The following DNAH5 variants were observed in gnomAD, a reference collection of about 807,000 sequenced individuals.
DNAH5 encodes dynein axonemal heavy chain 5, also known as axonemal beta dynein heavy chain 5.
DNAH5 carries 372 observed loss-of-function variants against 518.2 expected under a neutral mutation model. That is an observed-to-expected ratio of 0.72 (90% CI 0.66 to 0.78). DNAH5 has a LOEUF of 0.78. DNAH5 is among the 30% of genes least tolerant of loss of function. The probability of loss-of-function intolerance (pLI) is 0.00; values close to 1 mark genes in which losing one functional copy is unlikely to be tolerated. For missense variants in DNAH5, 5,523 were observed against 5,687.0 expected (o/e 0.97, Z 0.93); for synonymous variants, 2,039 against 2,025.9 (o/e 1.01, Z -0.17).
chr5:13,708,308 G>T lies in DNAH5; in HGVS notation c.13153C>A (p.Pro4385Thr). ...EVKERLQKMG[P>T]FQPMNIFLRQ... is the part of the protein sequence containing the mutation. ...AGGAAAATGTTCATAGGCTGGAATGGCCCCATCTTCTGCAGCCTCTCTTTT... is the reference window on the plus strand; with the variant it reads ...AGGAAAATGTTCATAGGCTGGAATGTCCCCATCTTCTGCAGCCTCTCTTTT... The change falls in exon 76 of 79, where the codon CCA (proline) becomes ACA (threonine). Residue 4385 changes from proline to threonine, a missense_variant. This residue lies in a region of DNAH5 where 387 missense variants were observed against 430.0 expected (regional missense o/e 0.90). Coordinates refer to ENST00000265104, the MANE Select transcript of DNAH5 (RefSeq NM_001369.3). 1 of 1,613,998 alleles carries T rather than the reference G, an allele frequency of 6.2e-7. No individual in the cohort carries two copies. The highest frequency in any genetic ancestry group is 1.1e-5 in the South Asian group (1 of 91,068).
intron 59 of DNAH5, 46 bp from the exon 60 acceptor site, chr5:13,762,947 A>T: frequency 6.6e-7 from 1 of 1,517,020 alleles, no homozygotes; most frequent in Non-Finnish European, 9.1e-7. Context: ...TTCTTTCCAT[A>T]AAGTCATACT....
rs116112591 is a variant in DNAH5 at position 13,882,574 on chromosome 5, G to A, written c.3262+154C>T. Reference sequence around the variant, plus strand: ...AACTAAAATGGTGATATTAAAATACGTGGACCTTGATATTTTGTCAACTTC... The same window carrying A: ...AACTAAAATGGTGATATTAAAATACATGGACCTTGATATTTTGTCAACTTC... On this transcript the variant is annotated intron_variant, in intron 21 of 78. Coordinates refer to ENST00000265104, the MANE Select transcript of DNAH5 (RefSeq NM_001369.3). Among the ~76,000 whole-genome samples the A allele has an allele frequency of 7.8e-4, 118 of 152,152 alleles. 1 individual carries two copies. Among genetic ancestry groups the A allele is most frequent in the African/African-American group, 2.7e-3 (113 of 41,520 alleles).
chr5:13,986,774 A>C (rs1783080873), intron 1 of DNAH5, among the ~76,000 whole-genome samples: 3 of 152,184 alleles, frequency 2.0e-5, no homozygotes, highest in Non-Finnish European at 2.9e-5. Context: ...ATCCTAACTC[A>C]GATATCACTA....
chr5:13,838,983 T>TAA (rs35593776), intron 35 of DNAH5, among the ~76,000 whole-genome samples: 217 of 142,406 alleles, frequency 1.5e-3, no homozygotes, highest in Non-Finnish European at 1.9e-3. Flanking sequence ...CTTTCCTGCT[T>TAA]AAAAAAAAAA....
At chr5:13,792,238 G>A in intron 49 of DNAH5, 21 bp from the exon 50 acceptor site, 2 of 1,590,690 alleles carry the variant, frequency 1.3e-6, no homozygotes, top group Non-Finnish European at 1.7e-6. Flanking sequence ...GGAAATTACA[G>A]CATTTTGATT....
chr5:13,970,821 G>C (rs1781812930), intron 1 of DNAH5, among the ~76,000 whole-genome samples: 2 of 151,930 alleles, frequency 1.3e-5, no homozygotes, highest in Non-Finnish European at 2.9e-5. Flanking sequence ...CTTTTATTTG[G>C]ATGTCTAGCT....
chr5:13,791,865 T>C (rs765200910), intron 50 of DNAH5, 129 bp downstream of exon 50: 30 of 740,178 alleles, frequency 4.1e-5, no homozygotes, highest in Non-Finnish European at 6.5e-5. Context: ...TTAAAAGCAG[T>C]AAAGAATACC....
chr5:13,788,593 A>G, intron 51 of DNAH5, 123 bp downstream of exon 51: 1 of 807,144 alleles, frequency 1.2e-6, no homozygotes, highest in Non-Finnish European at 2.1e-6. Flanking sequence ...ACTGTGTCTC[A>G]GGCTTGTATC....
chr5:13,976,088 T>C (rs1052106532), intron 1 of DNAH5, among the ~76,000 whole-genome samples: 4 of 152,232 alleles, frequency 2.6e-5, no homozygotes, highest in Non-Finnish European at 5.9e-5. Flanking sequence ...TGTGAGACAT[T>C]GAAGTCCAAG....
Position 13,853,081 on chromosome 5 carries a change from C to G in DNAH5, c.4951-2266G>C, listed in dbSNP as rs112553361. Among the ~76,000 whole-genome samples the G allele has an allele frequency of 3.6e-3, 551 of 152,350 alleles. 4 individuals are homozygous for G. The highest frequency in any genetic ancestry group is 0.013 in the African/African-American group (529 of 41,572). ...CCCCGTGCTTCCTGACAGGGAGACACTTCCCAGCAGGGGCCAACAGACACC... is the reference window on the plus strand; with the variant it reads ...CCCCGTGCTTCCTGACAGGGAGACAGTTCCCAGCAGGGGCCAACAGACACC... On this transcript the variant is annotated intron_variant, in intron 30 of 78. Transcript: ENST00000265104.
chr5:13,796,674 T>G (rs1757871058), intron 47 of DNAH5, among the ~76,000 whole-genome samples: 1 of 152,210 alleles, frequency 6.6e-6, no homozygotes, highest in South Asian at 2.1e-4. Context: ...TACCAATGAC[T>G]TTCTTCACAG....
Position 13,917,345 on chromosome 5 carries a change from T to C in DNAH5, c.976-89A>G, listed in dbSNP as rs572770770. On this transcript the variant is annotated intron_variant, in intron 7 of 78. Transcript: ENST00000265104. Reference sequence around the variant, plus strand: ...ACTGCTAAGAGTCACCACAAGTCCATTAGGCGAGACCTTCTGTCCATCTCA... The same window carrying C: ...ACTGCTAAGAGTCACCACAAGTCCACTAGGCGAGACCTTCTGTCCATCTCA... The C allele has an allele frequency of 6.3e-5, 58 of 914,594 alleles. No individual in the cohort carries two copies. The African/African-American group carries it at 9.5e-4, about 15-fold the overall frequency. 56.7% of individuals were successfully genotyped at this position (914,594 alleles called of 1,614,324 possible).
Position 13,690,720 on chromosome 5 carries a change from T to C in DNAH5, c.*1264A>G, listed in dbSNP as rs1055112678. The C allele has an allele frequency of 6.6e-6, 1 of 152,228 alleles. No homozygotes were observed. Among genetic ancestry groups the C allele is most frequent in the African/African-American group, 2.4e-5 (1 of 41,458 alleles). 9.4% of individuals were successfully genotyped at this position (152,228 alleles called of 1,614,324 possible). A position where few individuals can be genotyped will look rare whatever the true frequency, so the allele number is the denominator to read the frequency against. ...TATATTTTCTAGTCAGTAGGTTAGA[T>C]GAAGAATTATTAATAACATCTAACC... On this transcript the variant is annotated 3_prime_UTR_variant, in exon 79 of 79. Transcript: ENST00000265104.
In DNAH5 at chr5:13,919,165, T is replaced by A. The variant is rs374516847; in HGVS notation, c.975+11A>T. ...TCCCATTTCACAAGGCAAAATGAAA[T>A]GGCTGACGACCTTCAGCAGTTTCGA... On this transcript the variant is annotated intron_variant, in intron 7 of 78. Transcript: ENST00000265104. 1 of 1,613,916 alleles carries A rather than the reference T, an allele frequency of 6.2e-7. No individual in the cohort carries two copies. Among genetic ancestry groups the A allele is most frequent in the Admixed American group, 1.7e-5 (1 of 60,002 alleles).
intron 78 of DNAH5, among the ~76,000 whole-genome samples, 178 bp from the exon 79 acceptor site, chr5:13,692,313 T>A (rs1740802652): frequency 6.6e-6 from 1 of 152,166 alleles, no homozygotes; most frequent in African/African-American, 2.4e-5. Flanking sequence ...TGCTCCCACA[T>A]GGTGCCAGCA....
intron 35 of DNAH5, among the ~76,000 whole-genome samples, chr5:13,833,383 G>A (rs1763950467): frequency 6.7e-6 from 1 of 149,550 alleles, no homozygotes; most frequent in Admixed American, 6.7e-5. Flanking sequence ...AGGTTGCAGT[G>A]AGCCGAGATC....
chr5:13,913,618 A>C, intron 11 of DNAH5, 125 bp downstream of exon 11: 1 of 1,130,998 alleles, frequency 8.8e-7, no homozygotes, highest in Non-Finnish European at 1.2e-6. Context: ...TTAAAAGGCC[A>C]TGAGATTATT....
intron 30 of DNAH5, among the ~76,000 whole-genome samples, 187 bp downstream of exon 30, chr5:13,859,265 T>C (rs756026812): frequency 2.0e-5 from 3 of 152,164 alleles, no homozygotes; most frequent in Non-Finnish European, 2.9e-5. Context: ...CTTACTCTGA[T>C]TGTCACCCCT....
In DNAH5 at chr5:13,929,579, AC is replaced by A. The variant is rs1472202837; in HGVS notation, c.193-1402del. ...GAAAAATAAGTCCCCTTCAATTTCC[AC>A]CATGATTGAAGATGCCACAGGGACG... is the stretch of plus-strand genomic sequence containing the variant. On this transcript the variant is annotated intron_variant, in intron 2 of 78. Transcript: ENST00000265104. Among the ~76,000 whole-genome samples, 3 of 152,196 alleles carry A rather than the reference AC, an allele frequency of 2.0e-5. No individual in the cohort carries two copies. In the East Asian group the frequency reaches 5.8e-4, roughly 29 times the overall value.
Sources: gnomAD v4.1 joint callset for allele counts (sites outside exome capture counted in the v4.1 genomes callset) on GRCh38, gnomAD v4.1.1 for gene constraint, gnomAD v4.1.1 regional missense constraint, MANE v1.5 for transcripts, NCBI Gene and HGNC (gene_info 2026-07-23, HGNC 2026-07-21) for gene names.